The following PDE10A variants were observed in gnomAD, a reference collection of about 807,000 sequenced individuals.
PDE10A encodes the protein cAMP and cAMP-inhibited cGMP 3',5'-cyclic phosphodiesterase 10A.
PDE10A carries 39 observed loss-of-function variants against 97.7 expected under a neutral mutation model. The observed-to-expected ratio is 0.40, with a 90% CI of 0.31 to 0.52. The LOEUF (loss-of-function observed/expected upper bound fraction) is 0.52. Ranked by LOEUF, PDE10A falls within the 20% of genes least tolerant of loss-of-function variation. PDE10A has a pLI of 0.56. For synonymous variants in PDE10A, 371 were observed against 376.8 expected, an observed-to-expected ratio of 0.98 and a Z score of 0.18; for missense variants, 731 against 1,047.8, an observed-to-expected ratio of 0.70 and a Z score of 4.17.
At chr6:165,571,783 A>G (rs775957474) in intron 1 of PDE10A, among the ~76,000 whole-genome samples, 1 of 152,222 alleles carries the variant, frequency 6.6e-6, no homozygotes, top group Non-Finnish European at 1.5e-5. Context: ...AAATACTTCA[A>G]AAGTTTCTAT....
chr6:165,601,163 C>G (rs1406228306), intron 1 of PDE10A, among the ~76,000 whole-genome samples: 6 of 152,144 alleles, frequency 3.9e-5, no homozygotes, highest in African/African-American at 1.2e-4. Flanking sequence ...TCCACTTTTG[C>G]TTCTTCCTCA....
chr6:165,386,075 T>C (rs1314778688), intron 17 of PDE10A, among the ~76,000 whole-genome samples: 1 of 152,210 alleles, frequency 6.6e-6, no homozygotes, highest in Non-Finnish European at 1.5e-5. Flanking sequence ...TGAACTTAAC[T>C]TACTGCCATG....
At chr6:165,565,810 G>A (rs1784750098) in intron 1 of PDE10A, among the ~76,000 whole-genome samples, 1 of 152,120 alleles carries the variant, frequency 6.6e-6, no homozygotes, top group Admixed American at 6.6e-5. Flanking sequence ...TGACAAAGGA[G>A]CAAATGCAAT....
chr6:165,495,495 G>A (rs867031072), intron 2 of PDE10A, among the ~76,000 whole-genome samples: 1 of 152,242 alleles, frequency 6.6e-6, no homozygotes, highest in Middle Eastern at 3.4e-3. Context: ...ATGCAAGATA[G>A]CTAATTTCCC....
intron 1 of PDE10A, among the ~76,000 whole-genome samples, chr6:165,714,730 A>T (rs1195462569): frequency 1.3e-5 from 2 of 152,228 alleles, no homozygotes; most frequent in Non-Finnish European, 2.9e-5. Flanking sequence ...CCTGCCCTAA[A>T]GAAACAGGAG....
At chr6:165,809,964 T>TGGAATATGCTGGC (rs1197373940) in intron 1 of PDE10A, among the ~76,000 whole-genome samples, 1 of 152,176 alleles carries the variant, frequency 6.6e-6, no homozygotes, top group Non-Finnish European at 1.5e-5. Flanking sequence ...TGCAATGTGA[T>TGGAATATGCTGGC]GGAATATGCT....
intron 1 of PDE10A, among the ~76,000 whole-genome samples, chr6:165,571,278 ATTAT>A (rs1785037624): frequency 6.6e-6 from 1 of 152,202 alleles, no homozygotes; most frequent in East Asian, 1.9e-4. Flanking sequence ...AATTGATTTC[ATTAT>A]TTATTTTACT....
chr6:165,895,662 A>G (rs1781922750), intron 1 of PDE10A, among the ~76,000 whole-genome samples: 1 of 152,112 alleles, frequency 6.6e-6, no homozygotes, highest in Non-Finnish European at 1.5e-5. Flanking sequence ...GTCCTCTCAG[A>G]CTTGCCAAGC....
At chr6:165,913,960 G>T (rs968233451) in intron 1 of PDE10A, among the ~76,000 whole-genome samples, 1 of 152,088 alleles carries the variant, frequency 6.6e-6, no homozygotes, top group Non-Finnish European at 1.5e-5. Flanking sequence ...AGGACATAAG[G>T]GTTTCTTGAA....
intron 13 of PDE10A, among the ~76,000 whole-genome samples, chr6:165,410,515 T>C (rs1468733420): frequency 6.6e-6 from 1 of 152,004 alleles, no homozygotes; most frequent in Non-Finnish European, 1.5e-5. Context: ...GGTATTAGAC[T>C]GGAGGTTAGG....
chr6:165,857,916 G>A (rs917479577), intron 1 of PDE10A, among the ~76,000 whole-genome samples: 5 of 152,284 alleles, frequency 3.3e-5, no homozygotes, highest in Admixed American at 6.5e-5. Context: ...AAAAACTAGG[G>A]TTGGCATTGC....
intron 17 of PDE10A, among the ~76,000 whole-genome samples, chr6:165,382,365 T>C (rs1223025863): frequency 6.6e-6 from 1 of 152,158 alleles, no homozygotes; most frequent in East Asian, 1.9e-4. Flanking sequence ...ACGATGCAAC[T>C]AAGCGCATCA....
At chr6:165,831,478 C>CTTTTTTTTTTTTTTT (rs200237321) in intron 1 of PDE10A, among the ~76,000 whole-genome samples, 10 of 133,826 alleles carry the variant, frequency 7.5e-5, no homozygotes, top group African/African-American at 2.3e-4. Flanking sequence ...TTGCAGGAGT[C>CTTTTTTTTTTTTTTT]TTTTTTTTTT....
chr6:165,398,499 CA>C (rs376168637), intron 13 of PDE10A, among the ~76,000 whole-genome samples: 81 of 90,720 alleles, frequency 8.9e-4, no homozygotes, highest in South Asian at 3.7e-3. Context: ...CTCTCTCTCT[CA>C]AAAAAAAAAA....
chr6:165,542,612 C>CTTTTTTTTTTTTTTTTTTTTTTT lies in PDE10A; in HGVS notation c.994+805_994+827dup, dbSNP rs545149187. Reference sequence around the variant, plus strand: ...TTTAGGTCAAAAAGATGTCCTTGTTCTTTTTTTTTTTTTTTTTTTTTTTTT... The same window carrying CTTTTTTTTTTTTTTTTTTTTTTT: ...TTTAGGTCAAAAAGATGTCCTTGTTCTTTTTTTTTTTTTTTTTTTTTTTTTTTTTTTTTTTTTTTTTTTTTTTT... On this transcript the variant is annotated intron_variant, in intron 2 of 21. Coordinates refer to ENST00000539869, the MANE Select transcript of PDE10A (RefSeq NM_001385079.1). Among the ~76,000 whole-genome samples, 10 of 76,456 alleles carry CTTTTTTTTTTTTTTTTTTTTTTT rather than the reference C, an allele frequency of 1.3e-4. 1 individual carries two copies. The highest frequency in any genetic ancestry group is 6.4e-4 in the South Asian group (1 of 1,566). 50.2% of individuals were successfully genotyped at this position (76,456 alleles called of 152,430 possible).
intron 10 of PDE10A, among the ~76,000 whole-genome samples, chr6:165,426,555 G>C (rs1392171798): frequency 6.6e-6 from 1 of 152,126 alleles, no homozygotes; most frequent in African/African-American, 2.4e-5. Context: ...AAATTCTCAT[G>C]ATCTCTAATT....
chr6:165,803,497 G>T (rs1779037430), intron 1 of PDE10A, among the ~76,000 whole-genome samples: 1 of 152,164 alleles, frequency 6.6e-6, no homozygotes, highest in Non-Finnish European at 1.5e-5. Context: ...AGAGACAAAT[G>T]CAAACCATGT....
At chr6:165,907,893 A>T (rs1208133187) in intron 1 of PDE10A, among the ~76,000 whole-genome samples, 1 of 152,214 alleles carries the variant, frequency 6.6e-6, no homozygotes, top group East Asian at 1.9e-4. Flanking sequence ...GCTCTTAGAG[A>T]GAACAGGCTT....
intron 1 of PDE10A, among the ~76,000 whole-genome samples, chr6:165,941,286 A>G (rs917528081): frequency 1.1e-4 from 17 of 152,188 alleles, no homozygotes; most frequent in African/African-American, 4.1e-4. Flanking sequence ...CTACATCCAA[A>G]GAGAAAAAAT....
Sources: gnomAD v4.1 joint callset for allele counts (sites outside exome capture counted in the v4.1 genomes callset) on GRCh38, gnomAD v4.1.1 for gene constraint, MANE v1.5 for transcripts, NCBI Gene and HGNC (gene_info 2026-07-23, HGNC 2026-07-21) for gene names.